The following SULF2 variants were observed in gnomAD, a reference collection of about 807,000 sequenced individuals.
SULF2 encodes the protein extracellular sulfatase Sulf-2.
In SULF2, 52 loss-of-function variants were observed where a neutral mutation model predicts 107.7. The observed-to-expected ratio is 0.48, with a 90% CI of 0.39 to 0.61. The LOEUF (loss-of-function observed/expected upper bound fraction) is 0.61, where lower values mean the gene tolerates loss of function less well. Among genes scored for constraint, SULF2 ranks in the 20% least tolerant of loss-of-function variants. The probability of loss-of-function intolerance (pLI) is 0.00; values close to 1 mark genes in which losing one functional copy is unlikely to be tolerated. For missense variants in SULF2, 993 were observed against 1,177.3 expected, an observed-to-expected ratio of 0.84 and a Z score of 2.29; for synonymous variants, 460 against 464.3, an observed-to-expected ratio of 0.99 and a Z score of 0.12.
intron 4 of SULF2, among the ~76,000 whole-genome samples, chr20:47,701,846 C>A (rs1034835769): frequency 6.6e-6 from 1 of 151,990 alleles, no homozygotes; most frequent in African/African-American, 2.4e-5. Flanking sequence ...GGTGTCGAGT[C>A]GGGGGAATTC....
At chr20:47,695,212 C>A (rs1054812435) in intron 4 of SULF2, among the ~76,000 whole-genome samples, 2 of 152,086 alleles carry the variant, frequency 1.3e-5, no homozygotes, top group Non-Finnish European at 2.9e-5. Context: ...TCCAGTAAAG[C>A]TTTATGTATG....
chr20:47,774,840 T>C (rs2146981126), intron 1 of SULF2, among the ~76,000 whole-genome samples: 1 of 152,098 alleles, frequency 6.6e-6, no homozygotes, highest in East Asian at 1.9e-4. Context: ...CAATCAGACT[T>C]TCTTACCATG....
chr20:47,696,119 T>A (rs532763550), intron 4 of SULF2, among the ~76,000 whole-genome samples: 1 of 152,336 alleles, frequency 6.6e-6, no homozygotes, highest in Admixed American at 6.5e-5. Flanking sequence ...AATTCTGCTT[T>A]ATCACTTACT....
At chr20:47,665,985 G>C (rs2087253464) in intron 12 of SULF2, 32 bp from the exon 13 acceptor site, 1 of 1,607,622 alleles carries the variant, frequency 6.2e-7, no homozygotes. Context: ...GTGTGGCTCG[G>C]AGGTGGTGGA....
intron 4 of SULF2, among the ~76,000 whole-genome samples, chr20:47,691,291 T>C (rs2088189287): frequency 6.6e-6 from 1 of 151,712 alleles, no homozygotes; most frequent in African/African-American, 2.4e-5. Context: ...TAACAAAGAG[T>C]AACTGGGAGC....
chr20:47,708,461 G>A (rs377570445), intron 3 of SULF2, among the ~76,000 whole-genome samples: 7 of 152,122 alleles, frequency 4.6e-5, no homozygotes, highest in East Asian at 1.9e-4. Context: ...GGTTCGTACC[G>A]CTCCTGGAAC....
intron 1 of SULF2, among the ~76,000 whole-genome samples, chr20:47,783,353 C>A (rs1317391108): frequency 6.6e-6 from 1 of 152,188 alleles, no homozygotes; most frequent in Admixed American, 6.5e-5. Flanking sequence ...GCCTGGTTAA[C>A]CCAGCTGCCC....
intron 9 of SULF2, 122 bp from the exon 10 acceptor site, chr20:47,676,745 G>A (rs2087654826): frequency 1.2e-5 from 15 of 1,220,612 alleles, no homozygotes; most frequent in South Asian, 7.7e-5. Context: ...AGTGGAGGGC[G>A]CAGGGCCACC....
chr20:47,734,183 C>T (rs1463986638), intron 3 of SULF2, among the ~76,000 whole-genome samples: 1 of 152,194 alleles, frequency 6.6e-6, no homozygotes, highest in Non-Finnish European at 1.5e-5. Flanking sequence ...TCTCTGACCA[C>T]TTCATAGAGC....
At chr20:47,761,848 GCGC>G (rs1466109626) in intron 1 of SULF2, among the ~76,000 whole-genome samples, 3 of 152,200 alleles carry the variant, frequency 2.0e-5, no homozygotes, top group Non-Finnish European at 4.4e-5. Context: ...TTGACTTGTA[GCGC>G]CCATAATTCC....
chr20:47,752,466 G>T (rs1337408725), intron 2 of SULF2, among the ~76,000 whole-genome samples: 1 of 151,534 alleles, frequency 6.6e-6, no homozygotes, highest in Admixed American at 6.6e-5. Flanking sequence ...GCAGCGGCTC[G>T]CACCTGCAAT....
At chr20:47,676,960 G>T in intron 9 of SULF2, 118 bp downstream of exon 9, 2 of 1,145,616 alleles carry the variant, frequency 1.7e-6, no homozygotes, top group South Asian at 1.4e-5. Context: ...GGGGCCTTTG[G>T]ACCAACTTCA....
chr20:47,728,315 G>GT (rs2146737103), intron 3 of SULF2, among the ~76,000 whole-genome samples: 1 of 152,310 alleles, frequency 6.6e-6, no homozygotes, highest in East Asian at 1.9e-4. Context: ...GGCTGCCATT[G>GT]TGAAGGCAGG....
chr20:47,701,431 T>C (rs1159036369), intron 4 of SULF2, among the ~76,000 whole-genome samples: 1 of 152,238 alleles, frequency 6.6e-6, no homozygotes, highest in Non-Finnish European at 1.5e-5. Context: ...TTAAGATCTG[T>C]GCATGTTACC....
intron 1 of SULF2, among the ~76,000 whole-genome samples, chr20:47,771,005 G>A (rs182242188): frequency 1.3e-5 from 2 of 152,332 alleles, no homozygotes; most frequent in East Asian, 3.9e-4. Context: ...GGAGCATCAA[G>A]GTCCCACCAT....
At chr20:47,736,224 G>A (rs924968812) in intron 3 of SULF2, among the ~76,000 whole-genome samples, 20 of 152,130 alleles carry the variant, frequency 1.3e-4, no homozygotes, top group African/African-American at 4.8e-4. Context: ...CAACCACCAT[G>A]TCAGTTTCTG....
chr20:47,730,700 G>A lies in SULF2; in HGVS notation c.415+6003C>T, dbSNP rs552401231. On this transcript the variant is annotated intron_variant, in intron 3 of 20. Transcript: ENST00000688720. Reference sequence around the variant, plus strand: ...CCTGACCTTGTGATCCACCCTCCTCGGCTTCCCAGAGTGCTGGGATTACAG... The same window carrying A: ...CCTGACCTTGTGATCCACCCTCCTCAGCTTCCCAGAGTGCTGGGATTACAG... Among the ~76,000 whole-genome samples the A allele has an allele frequency of 3.9e-5, 6 of 152,278 alleles. No individual in the cohort carries two copies. In the East Asian group the frequency reaches 5.8e-4, roughly 15 times the overall value.
chr20:47,665,857 C>T lies in SULF2; in HGVS notation c.1902G>A (p.Glu634=), dbSNP rs750487659. ...WKDHKLHIDH[E]IETLQNKIKN... is the part of the protein sequence containing the mutation. Reference sequence around the variant, plus strand: ...TGCTCCTCTCCCGCTCTCCACTCACCTCGTGGTCGATGTGCAGCTTGTGGT... The same window carrying T: ...TGCTCCTCTCCCGCTCTCCACTCACTTCGTGGTCGATGTGCAGCTTGTGGT... Residue 634 remains glutamate, a splice_region_variant and synonymous_variant, in exon 13 of 21, where the codon GAG becomes GAA. Coordinates refer to ENST00000688720, the MANE Select transcript of SULF2 (RefSeq NM_001387048.1). 1 of 1,613,622 alleles carries T rather than the reference C, an allele frequency of 6.2e-7. No homozygotes were observed. Among genetic ancestry groups the T allele is most frequent in the Non-Finnish European group, 8.5e-7 (1 of 1,179,688 alleles).
At chr20:47,730,224 G>C (rs1450458491) in intron 3 of SULF2, among the ~76,000 whole-genome samples, 1 of 152,218 alleles carries the variant, frequency 6.6e-6, no homozygotes, top group Non-Finnish European at 1.5e-5. Flanking sequence ...CTTGTAAGGA[G>C]CATGTACCCC....
Sources: allele counts gnomAD v4.1 joint callset (sites outside exome capture counted in the v4.1 genomes callset), GRCh38; gene constraint gnomAD v4.1.1; transcripts MANE v1.5; gene names NCBI Gene and HGNC (gene_info 2026-07-23, HGNC 2026-07-21).